Variants in OR1J2 observed in about 807,000 individuals in gnomAD.
OR1J2 encodes the protein olfactory receptor 1J2.
For synonymous variants in OR1J2, 142 were observed against 99.7 expected, an observed-to-expected ratio of 1.42 and a Z score of -2.52; for missense variants, 304 against 246.1, an observed-to-expected ratio of 1.24 and a Z score of -1.57.
chr9:122,550,995 A>G, the OR1J2 span, among the ~76,000 whole-genome samples: 2 of 152,156 alleles, frequency 1.3e-5, no homozygotes, highest in South Asian at 4.1e-4. Flanking sequence ...ATATGATCTA[A>G]TACCTAGAAT....
chr9:122,574,199 T>C, the OR1J2 span, among the ~76,000 whole-genome samples: 1 of 152,172 alleles, frequency 6.6e-6, no homozygotes, highest in African/African-American at 2.4e-5. Context: ...GTCTTTTGCC[T>C]CTACATATAA....
the OR1J2 span, among the ~76,000 whole-genome samples, chr9:122,538,426 C>T: frequency 1.3e-5 from 2 of 152,084 alleles, no homozygotes; most frequent in African/African-American, 4.8e-5. Context: ...ATTTTGTTCT[C>T]AGCTACAGTG....
chr9:122,531,146 G>A, the OR1J2 span, among the ~76,000 whole-genome samples: 1 of 152,218 alleles, frequency 6.6e-6, no homozygotes, highest in East Asian at 1.9e-4. Context: ...AGGGGTGAGC[G>A]TGGGAACCTA....
the OR1J2 span, chr9:122,477,337 A>G: frequency 6.2e-7 from 1 of 1,614,116 alleles, no homozygotes. Flanking sequence ...AAAGATTGCT[A>G]ACTGATTGAG....
the OR1J2 span, among the ~76,000 whole-genome samples, chr9:122,489,623 T>A: frequency 5.9e-5 from 9 of 152,334 alleles, no homozygotes; most frequent in Non-Finnish European, 1.2e-4. Context: ...CAATAACCAA[T>A]GTATAGGAAT....
At chr9:122,546,076 T>G in the OR1J2 span, among the ~76,000 whole-genome samples, 1 of 152,060 alleles carries the variant, frequency 6.6e-6, no homozygotes, top group African/African-American at 2.4e-5. Flanking sequence ...GTCTTCAGAT[T>G]GAGAGGAACC....
At chr9:122,501,491 A>T in the OR1J2 span, among the ~76,000 whole-genome samples, 1 of 152,156 alleles carries the variant, frequency 6.6e-6, no homozygotes, top group African/African-American at 2.4e-5. Context: ...CTCTCCTCAA[A>T]ATAACCTTCA....
At chr9:122,546,925 C>T in the OR1J2 span, among the ~76,000 whole-genome samples, 2 of 152,024 alleles carry the variant, frequency 1.3e-5, no homozygotes, top group Non-Finnish European at 2.9e-5. Context: ...TCCATCATCT[C>T]GAACATTTAT....
At chr9:122,536,566 C>T in the OR1J2 span, among the ~76,000 whole-genome samples, 115,839 of 152,168 alleles carry the variant, frequency 0.76, 44,721 homozygotes, top group East Asian at 1. Context: ...GATATCTTCC[C>T]GACTATAGGC....
chr9:122,540,838 TG>T, the OR1J2 span, among the ~76,000 whole-genome samples: 1 of 152,218 alleles, frequency 6.6e-6, no homozygotes, highest in Non-Finnish European at 1.5e-5. Context: ...TCACATCCCT[TG>T]TAAGTTGGAT....
the OR1J2 span, among the ~76,000 whole-genome samples, chr9:122,491,534 GAAAT>G: frequency 6.6e-6 from 1 of 152,082 alleles, no homozygotes; most frequent in Non-Finnish European, 1.5e-5. Flanking sequence ...TAGTAGCAGA[GAAAT>G]AAAGCCCCCA....
At chr9:122,477,858 C>T in the OR1J2 span, 2 of 1,613,694 alleles carry the variant, frequency 1.2e-6, no homozygotes, top group East Asian at 2.2e-5. Context: ...ACACGGCCTG[C>T]TGCTCTGGCC....
the OR1J2 span, among the ~76,000 whole-genome samples, chr9:122,555,622 C>G: frequency 6.6e-6 from 1 of 152,206 alleles, no homozygotes; most frequent in Non-Finnish European, 1.5e-5. Flanking sequence ...ATATCTACCT[C>G]AAGGAATTGG....
At chr9:122,519,782 C>A in the OR1J2 span, 4 of 1,614,206 alleles carry the variant, frequency 2.5e-6, no homozygotes, top group Non-Finnish European at 3.4e-6. Context: ...TAATATGCAT[C>A]TTGATCTCTT....
At chr9:122,578,071 G>A in the OR1J2 span, among the ~76,000 whole-genome samples, 1 of 152,192 alleles carries the variant, frequency 6.6e-6, no homozygotes, top group Non-Finnish European at 1.5e-5. Context: ...ATGGAAAACA[G>A]TGTGGAGATT....
the OR1J2 span, among the ~76,000 whole-genome samples, chr9:122,523,537 A>G: frequency 2.0e-5 from 3 of 152,202 alleles, no homozygotes; most frequent in Admixed American, 6.5e-5. Context: ...AGGTCATTGT[A>G]CATTCAGGTA....
chr9:122,579,679 G>A, the OR1J2 span, among the ~76,000 whole-genome samples: 1 of 152,140 alleles, frequency 6.6e-6, no homozygotes, highest in Admixed American at 6.5e-5. Context: ...ATAAGCATAA[G>A]GGGTATGGTG....
chr9:122,459,804 T>C, the OR1J2 span, among the ~76,000 whole-genome samples: 83 of 152,262 alleles, frequency 5.5e-4, no homozygotes, highest in African/African-American at 2.0e-3. Flanking sequence ...ACCTGAACAG[T>C]GTACATTGTA....
At chr9:122,474,376 A>T in the OR1J2 span, among the ~76,000 whole-genome samples, 5 of 152,184 alleles carry the variant, frequency 3.3e-5, no homozygotes, top group Admixed American at 6.5e-5. Flanking sequence ...ATGTGGCTAA[A>T]AGGGTCTTGA....
Sources: gnomAD v4.1 joint callset for allele counts (sites outside exome capture counted in the v4.1 genomes callset) on GRCh38, gnomAD v4.1.1 for gene constraint, MANE v1.5 for transcripts, NCBI Gene and HGNC (gene_info 2026-07-23, HGNC 2026-07-21) for gene names.